Variants in ZNF613 observed in about 807,000 individuals in gnomAD.
ZNF613 encodes zinc finger protein 613.
A neutral mutation model predicts 14.3 loss-of-function variants in ZNF613; 8 were observed. The observed-to-expected ratio is 0.56, with a 90% CI of 0.33 to 1.01. The LOEUF (loss-of-function observed/expected upper bound fraction) is 1.01, where lower values mean the gene tolerates loss of function less well. Ranked by LOEUF, ZNF613 falls within the 50% of genes least tolerant of loss-of-function variation. ZNF613 has a pLI of 0.03. For missense variants in ZNF613, 656 were observed against 741.9 expected (o/e 0.88, Z 1.35); for synonymous variants, 228 against 254.5 (o/e 0.90, Z 0.99).
At chr19:51,935,692 C>G (rs2122812505) in intron 2 of ZNF613, among the ~76,000 whole-genome samples, 1 of 152,274 alleles carries the variant, frequency 6.6e-6, no homozygotes, top group South Asian at 2.1e-4. Context: ...TATCCAATTC[C>G]TCACCTTCTC....
rs771431622 is a variant in ZNF613 at position 51,944,647 on chromosome 19, C to T, written c.764C>T (p.Thr255Ile). The T allele has an allele frequency of 2.5e-6, 4 of 1,614,142 alleles. No individual in the cohort carries two copies. Among genetic ancestry groups the T allele is most frequent in the Non-Finnish European group, 2.5e-6 (3 of 1,180,018 alleles). The change falls in exon 6 of 6, where the codon ACA becomes ATA. Residue 255 changes from threonine (T) to isoleucine (I), a missense_variant. Physicochemically the swap from Thr to Ile is moderately conservative, Grantham distance 89. Transcript: ENST00000293471. ...SGLTEHQRNH[T>I]GEKPYECTEC... ...CTCACTGAACACCAGAGAAACCACA[C>T]AGGAGAGAAACCCTATGAATGCACT...
intron 2 of ZNF613, among the ~76,000 whole-genome samples, chr19:51,931,821 C>T (rs2085267781): frequency 6.6e-6 from 1 of 152,088 alleles, no homozygotes; most frequent in Admixed American, 6.6e-5. Flanking sequence ...GTAGAGTGCC[C>T]GATTCTGTCG....
At chr19:51,934,079 A>G (rs1303857684) in intron 2 of ZNF613, among the ~76,000 whole-genome samples, 4 of 152,212 alleles carry the variant, frequency 2.6e-5, no homozygotes, top group African/African-American at 7.2e-5. Context: ...GATTATAGGC[A>G]AGCATGAGCC....
At chr19:51,938,060 C>T (rs985549858) in intron 3 of ZNF613, among the ~76,000 whole-genome samples, 1 of 152,072 alleles carries the variant, frequency 6.6e-6, no homozygotes, top group African/African-American at 2.4e-5. Context: ...GCCCAGCCTT[C>T]TCATACATGC....
In ZNF613 at chr19:51,944,677, G is replaced by A; in HGVS notation, c.794G>A (p.Cys265Tyr). The change falls in exon 6 of 6, where the codon TGT (cysteine) becomes TAT (tyrosine). Residue 265 changes from cysteine (C) to tyrosine (Y), a missense_variant. By Grantham distance (194) the Cys-to-Tyr change is radical (BLOSUM62 -2). Coordinates refer to ENST00000293471, the MANE Select transcript of ZNF613 (RefSeq NM_001031721.4). Reference sequence around the variant, plus strand: ...GAGAAACCCTATGAATGCACTGAATGTGACAAAGCATTCCGCTGGAAATCA... The same window carrying A: ...GAGAAACCCTATGAATGCACTGAATATGACAAAGCATTCCGCTGGAAATCA... ...TGEKPYECTE[C>Y]DKAFRWKSQL... is the part of the protein sequence containing the mutation. 1 of 1,614,122 alleles carries A rather than the reference G, an allele frequency of 6.2e-7. No individual in the cohort carries two copies. Among genetic ancestry groups the A allele is most frequent in the Non-Finnish European group, 8.5e-7 (1 of 1,180,026 alleles).
intron 2 of ZNF613, among the ~76,000 whole-genome samples, chr19:51,934,365 T>C (rs1448432794): frequency 6.6e-6 from 1 of 152,174 alleles, no homozygotes; most frequent in East Asian, 1.9e-4. Flanking sequence ...AATAAACTGA[T>C]GCAAGTGCAC....
chr19:51,940,317 A>G lies in ZNF613; in HGVS notation c.124A>G (p.Ser42Gly). 6.2e-7 allele frequency: 1 copy of G among 1,613,548 alleles called. No homozygotes were observed. The highest frequency in any genetic ancestry group is 1.7e-5 in the Admixed American group (1 of 59,984). The part of the protein sequence containing the change: ...LYRDVMLENY[S>G]NLVSVGYQAS... Reference sequence around the variant, plus strand: ...CCGAGACGTGATGTTGGAGAACTATAGCAACCTCGTGTCAGTGGGTGAGGA... The same window carrying G: ...CCGAGACGTGATGTTGGAGAACTATGGCAACCTCGTGTCAGTGGGTGAGGA... The change falls in exon 4 of 6, where the codon AGC becomes GGC. Residue 42 changes from serine to glycine, a missense_variant. Physicochemically the swap from Ser to Gly is moderately conservative, Grantham distance 56. Transcript: ENST00000293471.
At chr19:51,932,562 C>T (rs8111193) in intron 2 of ZNF613, among the ~76,000 whole-genome samples, 1 of 151,966 alleles carries the variant, frequency 6.6e-6, no homozygotes, top group Non-Finnish European at 1.5e-5. Flanking sequence ...CTCCCAAAGT[C>T]CTGGGATTAC....
chr19:51,933,309 G>A (rs1312432225), intron 2 of ZNF613, among the ~76,000 whole-genome samples: 1 of 152,168 alleles, frequency 6.6e-6, no homozygotes, highest in East Asian at 1.9e-4. Context: ...TTTGCCCCAG[G>A]CAGCTGAAGG....
intron 5 of ZNF613, among the ~76,000 whole-genome samples, chr19:51,943,367 G>C (rs192104582): frequency 6.6e-6 from 1 of 152,192 alleles, no homozygotes; most frequent in Non-Finnish European, 1.5e-5. Flanking sequence ...ATTCCAAGGA[G>C]CATGAAATCT....
intron 5 of ZNF613, 40 bp downstream of exon 5, chr19:51,940,749 C>A: frequency 6.5e-7 from 1 of 1,545,648 alleles, no homozygotes; most frequent in African/African-American, 1.4e-5. Flanking sequence ...GGTGGCTGAG[C>A]AAGTCACATG....
intron 2 of ZNF613, 81 bp from the exon 3 acceptor site, chr19:51,935,947 T>G (rs921268677): frequency 2.7e-6 from 1 of 374,862 alleles, no homozygotes; most frequent in Non-Finnish European, 4.7e-6. Flanking sequence ...AGAGATGGCC[T>G]TGCATTAAGG....
In ZNF613 at chr19:51,945,248, C is replaced by A; in HGVS notation, c.1365C>A (p.Pro455=). The part of the protein sequence containing the change: ...SHQRFHTGKT[P]FVCTECGKSC... ...AGAGATTTCACACAGGAAAGACACC[C>A]TTTGTATGTACTGAGTGTGGAAAAT... Residue 455 remains proline, a synonymous_variant, in exon 6 of 6, where the codon CCC becomes CCA. Transcript: ENST00000293471. 6 of 1,614,028 alleles carry A rather than the reference C, an allele frequency of 3.7e-6. No individual in the cohort carries two copies. Among genetic ancestry groups the A allele is most frequent in the Non-Finnish European group, 5.1e-6 (6 of 1,179,998 alleles).
In ZNF613 at chr19:51,937,751, A is replaced by G. The variant is rs1251689851; in HGVS notation, c.15+1516A>G. Among the ~76,000 whole-genome samples the G allele has an allele frequency of 7.2e-5, 9 of 124,840 alleles. No homozygotes were observed. In the East Asian group the frequency reaches 1.9e-3, roughly 26 times the overall value. 81.9% of individuals were successfully genotyped at this position (124,840 alleles called of 152,430 possible). ...TTTTTTTTTTTTTTTTTTTTTTGAG[A>G]TAGAGTCTCACTCTGTCATCCAGAT... On this transcript the variant is annotated intron_variant, in intron 3 of 5. Transcript: ENST00000293471.
At chr19:51,941,227 C>T (rs911585913) in intron 5 of ZNF613, among the ~76,000 whole-genome samples, 10 of 152,172 alleles carry the variant, frequency 6.6e-5, no homozygotes, top group African/African-American at 1.9e-4. Flanking sequence ...CCACCACACC[C>T]GGCCTCATCA....
chr19:51,940,790 G>A (rs529612381), intron 5 of ZNF613, 81 bp downstream of exon 5: 13 of 1,137,974 alleles, frequency 1.1e-5, no homozygotes, highest in Non-Finnish European at 1.4e-5. Flanking sequence ...GAGCTGTCAG[G>A]GCATCTGAGG....
chr19:51,931,056 G>A (rs1023400945), intron 2 of ZNF613, among the ~76,000 whole-genome samples: 1 of 152,124 alleles, frequency 6.6e-6, no homozygotes, highest in Admixed American at 6.6e-5. Flanking sequence ...ACATAACTGA[G>A]GTACATGTAT....
At chr19:51,935,454 T>G (rs2085298770) in intron 2 of ZNF613, among the ~76,000 whole-genome samples, 1 of 152,224 alleles carries the variant, frequency 6.6e-6, no homozygotes, top group Admixed American at 6.5e-5. Context: ...CTACTTCTGC[T>G]TTTGGACAAT....
In ZNF613 at chr19:51,945,450, C is replaced by T. The variant is rs2085392143; in HGVS notation, c.1567C>T (p.His523Tyr). ...CTCTGATTGTGGGAAAGCTTTCTCC[C>T]ACTTGTCATGCCTTGTTTATCATAA... ...GCSDCGKAFS[H>Y]LSCLVYHKGM... Residue 523 changes from histidine to tyrosine, a missense_variant, in exon 6 of 6, where the codon CAC (histidine) becomes TAC (tyrosine). Physicochemically the swap from His to Tyr is moderately conservative, Grantham distance 83. Transcript: ENST00000293471. 3.7e-6 allele frequency: 6 copies of T among 1,614,078 alleles called. No homozygotes were observed. The highest frequency in any genetic ancestry group is 3.3e-5 in the Admixed American group (2 of 60,004).
Sources: allele counts gnomAD v4.1 joint callset (sites outside exome capture counted in the v4.1 genomes callset), GRCh38; gene constraint gnomAD v4.1.1; transcripts MANE v1.5; gene names NCBI Gene and HGNC (gene_info 2026-07-23, HGNC 2026-07-21).